Variants in HIBCH observed in about 807,000 individuals in gnomAD.
The protein encoded by HIBCH is 3-hydroxyisobutyryl-CoA hydrolase.
HIBCH carries 50 observed loss-of-function variants against 58.2 expected under a neutral mutation model. That is an observed-to-expected ratio of 0.86 (90% CI 0.68 to 1.09). The LOEUF (loss-of-function observed/expected upper bound fraction) is 1.09. Ranked by LOEUF, HIBCH falls within the 50% of genes least tolerant of loss-of-function variation. HIBCH has a pLI of 0.00. For missense variants in HIBCH, 450 were observed against 449.7 expected, an observed-to-expected ratio of 1.00 and a Z score of -0.01; for synonymous variants, 151 against 146.9, an observed-to-expected ratio of 1.03 and a Z score of -0.20.
At chr2:190,223,285 A>G (rs1043311338) in intron 11 of HIBCH, among the ~76,000 whole-genome samples, 3 of 152,202 alleles carry the variant, frequency 2.0e-5, no homozygotes, top group African/African-American at 7.2e-5. Flanking sequence ...AATAAATAAG[A>G]GACAGGGTCT....
chr2:190,248,237 T>C (rs1227381058), intron 9 of HIBCH, among the ~76,000 whole-genome samples: 1 of 152,246 alleles, frequency 6.6e-6, no homozygotes, highest in African/African-American at 2.4e-5. Context: ...TTGCGTCTAA[T>C]GTCAGTTGCA....
chr2:190,250,492 T>C (rs1330238475), intron 8 of HIBCH: 1 of 395,972 alleles, frequency 2.5e-6, no homozygotes, highest in African/African-American at 2.1e-5. Context: ...AGAATGTCTG[T>C]CTACTCATTG....
At chr2:190,308,483 A>C (rs1688473041) in intron 2 of HIBCH, among the ~76,000 whole-genome samples, 1 of 152,142 alleles carries the variant, frequency 6.6e-6, no homozygotes, top group Non-Finnish European at 1.5e-5. Context: ...TTCATAAATT[A>C]ATGGATTAAT....
intron 6 of HIBCH, among the ~76,000 whole-genome samples, chr2:190,262,613 C>CT (rs1202251092): frequency 6.6e-6 from 1 of 152,162 alleles, no homozygotes; most frequent in East Asian, 1.9e-4. Context: ...ATCTTCATTC[C>CT]TTTACAAAGG....
rs1156680589 is a variant in HIBCH at position 190,210,945 on chromosome 2, T to C, written c.1011+2011A>G. 6.6e-6 allele frequency among the ~76,000 whole-genome samples: 1 copy of C among 152,186 alleles called. No individual in the cohort carries two copies. Among genetic ancestry groups the C allele is most frequent in the Non-Finnish European group, 1.5e-5 (1 of 68,028 alleles). On this transcript the variant is annotated intron_variant, in intron 12 of 13. Transcript: ENST00000359678. This position sits in a 1 kb window ranked among gnomAD's most constrained non-coding sequence, Gnocchi z 5.5. ...TATATCACATATCCTGCTTCCTTTT[T>C]CTTGTTAATATTTATAATCATATAA...
At chr2:190,289,202 TTCA>T (rs1160342187) in intron 5 of HIBCH, among the ~76,000 whole-genome samples, 2 of 152,134 alleles carry the variant, frequency 1.3e-5, no homozygotes, top group East Asian at 1.9e-4. Flanking sequence ...TACAGCTTTT[TTCA>T]TCACTTAGTA....
At chr2:190,228,697 A>G (rs547162134) in intron 11 of HIBCH, among the ~76,000 whole-genome samples, 1 of 152,162 alleles carries the variant, frequency 6.6e-6, no homozygotes. Flanking sequence ...CTTATGGAAC[A>G]CTGGTAAGTG....
chr2:190,241,606 T>C (rs1686455368), intron 11 of HIBCH, among the ~76,000 whole-genome samples: 1 of 152,212 alleles, frequency 6.6e-6, no homozygotes, highest in Non-Finnish European at 1.5e-5. Context: ...GGTACCAGTC[T>C]TTCCTTTCCA....
intron 13 of HIBCH, chr2:190,208,663 GTTTGA>G (rs1559010967): frequency 1.8e-6 from 1 of 557,100 alleles, no homozygotes; most frequent in African/African-American, 2.4e-5. Context: ...AGTGTTTCAG[GTTTGA>G]TTTTTTTTTT....
chr2:190,190,454 A>G (rs1483045809), intron 1 of HIBCH, among the ~76,000 whole-genome samples: 2 of 152,216 alleles, frequency 1.3e-5, no homozygotes, highest in African/African-American at 4.8e-5. Flanking sequence ...TGATTTGCCT[A>G]CTGATGGACA....
intron 11 of HIBCH, among the ~76,000 whole-genome samples, chr2:190,233,812 G>A (rs6709330): frequency 0.014 from 2,160 of 152,218 alleles, 54 homozygotes; most frequent in African/African-American, 0.049. Context: ...AATTAAAACC[G>A]TAATGTCATG....
At chr2:190,213,400 A>C in intron 11 of HIBCH, 3 of 318,670 alleles carry the variant, frequency 9.4e-6, no homozygotes, top group East Asian at 7.8e-5. Context: ...TTACAAACCA[A>C]TCATATTCAT....
intron 8 of HIBCH, among the ~76,000 whole-genome samples, chr2:190,251,958 T>C (rs181429132): frequency 7.9e-4 from 121 of 152,248 alleles, no homozygotes; most frequent in East Asian, 2.9e-3. Context: ...CCAGGTATCA[T>C]TATCTCCAGT....
intron 11 of HIBCH, among the ~76,000 whole-genome samples, chr2:190,232,269 T>C (rs2105921048): frequency 6.6e-6 from 1 of 152,294 alleles, no homozygotes; most frequent in South Asian, 2.1e-4. Context: ...AATGACACCA[T>C]TTAAACATAC....
chr2:190,196,145 C>A (rs372435360), intron 1 of HIBCH, among the ~76,000 whole-genome samples: 11 of 151,998 alleles, frequency 7.2e-5, no homozygotes, highest in African/African-American at 2.7e-4. Context: ...CCCTCCCCAA[C>A]CCCCAATGTT....
rs894743266 is a variant in HIBCH at position 190,246,036 on chromosome 2, T to C, written c.809+118A>G. ...AAGGAAAGCTCTATACTTTCTGATCTCAGAATTCAGTGCACTATCAAACAC... is the reference window on the plus strand; with the variant it reads ...AAGGAAAGCTCTATACTTTCTGATCCCAGAATTCAGTGCACTATCAAACAC... On this transcript the variant is annotated intron_variant, in intron 10 of 13. Coordinates refer to ENST00000359678, the MANE Select transcript of HIBCH (RefSeq NM_014362.4). The C allele has an allele frequency of 2.7e-5, 17 of 624,694 alleles. No individual in the cohort carries two copies. The African/African-American group carries it at 3.2e-4, about 12-fold the overall frequency. The allele number at this position is 624,694 out of a possible 1,614,324, so 38.7% of individuals were successfully genotyped here.
intron 11 of HIBCH, among the ~76,000 whole-genome samples, chr2:190,239,301 C>G (rs1047586332): frequency 6.6e-6 from 1 of 152,130 alleles, no homozygotes; most frequent in African/African-American, 2.4e-5. Context: ...TCTGAGGCCT[C>G]TGTTCTGTTC....
chr2:190,215,862 T>C lies in HIBCH; in HGVS notation c.892-2787A>G, dbSNP rs1690615916. The C allele has an allele frequency of 6.6e-6, 1 of 152,534 alleles. No homozygotes were observed. The highest frequency in any genetic ancestry group is 2.4e-5 in the African/African-American group (1 of 41,530). The allele number at this position is 152,534 out of a possible 1,614,324, so 9.4% of individuals were successfully genotyped here. On this transcript the variant is annotated intron_variant, in intron 11 of 13. Transcript: ENST00000359678. This position sits in a 1 kb window ranked among gnomAD's most constrained non-coding sequence, Gnocchi z 4.4. ...AGACAGGGAAGGCAGTGTAAGACAC[T>C]GTGCAGGTGTGCTGGTGCCCAGAGA...
rs144074606 is a variant in HIBCH at position 190,294,607 on chromosome 2, A to C, written c.243T>G (p.Thr81=). 4,222 of 1,612,342 alleles carry C rather than the reference A, an allele frequency of 2.6e-3. 13 individuals are homozygous for C. Among genetic ancestry groups the C allele is most frequent in the Non-Finnish European group, 2.8e-3 (3,254 of 1,179,282 alleles). ...CTGCTCCCTTTATAATGATCAGGAA[A>C]GTTTCAGGATCTTGTTCCCACTTCT... ...QLKKWEQDPE[T]FLIIIKGAGG... is the part of the protein sequence containing the mutation. The change falls in exon 4 of 14, where the codon ACT becomes ACG. Residue 81 remains threonine, a synonymous_variant. Coordinates refer to ENST00000359678, the MANE Select transcript of HIBCH (RefSeq NM_014362.4).
Sources: allele counts gnomAD v4.1 joint callset (sites outside exome capture counted in the v4.1 genomes callset), GRCh38; gene constraint gnomAD v4.1.1; non-coding constraint Gnocchi (gnomAD v3.1); transcripts MANE v1.5; gene names NCBI Gene and HGNC (gene_info 2026-07-23, HGNC 2026-07-21).